Variants in LRRC4C observed in about 807,000 individuals in gnomAD.
LRRC4C encodes the protein leucine-rich repeat-containing protein 4C.
LRRC4C carries 5 observed loss-of-function variants against 33.6 expected under a neutral mutation model. That is an observed-to-expected ratio of 0.15 (90% confidence interval 0.08 to 0.31). The LOEUF (loss-of-function observed/expected upper bound fraction) is 0.31. Ranked by LOEUF, LRRC4C falls within the 10% of genes least tolerant of loss-of-function variation. The pLI is 1.00. For missense variants in LRRC4C, 560 were observed against 796.7 expected (o/e 0.70, Z 3.58); for synonymous variants, 329 against 302.0 (o/e 1.09, Z -0.93).
chr11:40,492,234 C>T (rs1004395819), intron 3 of LRRC4C, among the ~76,000 whole-genome samples: 3 of 152,156 alleles, frequency 2.0e-5, no homozygotes, highest in Non-Finnish European at 4.4e-5. Context: ...ATTTGTCACT[C>T]GACTACGTTG....
chr11:40,427,983 T>C (rs1950779739), intron 3 of LRRC4C, among the ~76,000 whole-genome samples: 1 of 152,062 alleles, frequency 6.6e-6, no homozygotes, highest in Admixed American at 6.6e-5. Context: ...TTAACAAATA[T>C]ATTATGAGGA....
At chr11:40,740,957 T>C (rs1239417553) in intron 2 of LRRC4C, among the ~76,000 whole-genome samples, 1 of 152,088 alleles carries the variant, frequency 6.6e-6, no homozygotes, top group East Asian at 1.9e-4. Context: ...TTTTGGGGCT[T>C]TCTATTTTGT....
intron 1 of LRRC4C, among the ~76,000 whole-genome samples, chr11:41,290,647 T>C (rs957723047): frequency 3.9e-5 from 6 of 152,162 alleles, no homozygotes; most frequent in African/African-American, 1.4e-4. Context: ...GAAGTATGAC[T>C]GTCTATATTA....
intron 1 of LRRC4C, among the ~76,000 whole-genome samples, chr11:41,141,122 G>A (rs1269033934): frequency 6.6e-6 from 1 of 152,098 alleles, no homozygotes; most frequent in Non-Finnish European, 1.5e-5. Flanking sequence ...AAAGCAAAAA[G>A]TTTTCTGCAA....
At chr11:40,533,728 G>T (rs138817495) in intron 3 of LRRC4C, among the ~76,000 whole-genome samples, 153 of 152,186 alleles carry the variant, frequency 1.0e-3, no homozygotes, top group African/African-American at 3.4e-3. Context: ...ACACAGGACA[G>T]GATACTCTAA....
intron 1 of LRRC4C, among the ~76,000 whole-genome samples, chr11:41,334,940 A>T (rs1951404708): frequency 6.6e-6 from 1 of 152,098 alleles, no homozygotes; most frequent in Admixed American, 6.6e-5. Flanking sequence ...AGAGGATCTT[A>T]CTCAGTGACT....
intron 1 of LRRC4C, among the ~76,000 whole-genome samples, chr11:41,302,753 C>G (rs145483607): frequency 6.6e-6 from 1 of 152,242 alleles, no homozygotes; most frequent in African/African-American, 2.4e-5. Flanking sequence ...AGATTTTGAG[C>G]CAGAGATTCT....
chr11:40,303,779 T>C (rs1944896232), intron 4 of LRRC4C, among the ~76,000 whole-genome samples: 1 of 152,232 alleles, frequency 6.6e-6, no homozygotes, highest in Non-Finnish European at 1.5e-5. Flanking sequence ...TGTTAAACTC[T>C]GGGCCTCAGC....
intron 2 of LRRC4C, among the ~76,000 whole-genome samples, chr11:40,890,192 C>T (rs78253563): frequency 0.043 from 6,511 of 152,108 alleles, 303 homozygotes; most frequent in East Asian, 0.21. Context: ...TTCTGTGTTG[C>T]TATAACAGGA....
rs549567681 is a variant in LRRC4C at position 41,444,580 on chromosome 11, C to T, written c.-496+14851G>A. On this transcript the variant is annotated intron_variant, in intron 1 of 6. Coordinates refer to ENST00000528697, the MANE Select transcript of LRRC4C (RefSeq NM_001258419.2). Reference sequence around the variant, plus strand: ...AGAGTAATCATTGAACCACAGTAGACAAAGATGTGTCTTGCAAGCTTCTAG... The same window carrying T: ...AGAGTAATCATTGAACCACAGTAGATAAAGATGTGTCTTGCAAGCTTCTAG... 5.8e-4 allele frequency among the ~76,000 whole-genome samples: 88 copies of T among 152,180 alleles called. 1 individual carries two copies. In the South Asian group the frequency reaches 0.017, roughly 30 times the overall value.
intron 3 of LRRC4C, among the ~76,000 whole-genome samples, chr11:40,635,628 A>ATTTTTTTTTT (rs71060975): frequency 1.5e-4 from 14 of 92,222 alleles, no homozygotes; most frequent in African/African-American, 5.2e-4. Flanking sequence ...AAAGAACCAA[A>ATTTTTTTTTT]TTTTTTTTTT....
At chr11:41,148,381 G>C (rs1943828715) in intron 1 of LRRC4C, among the ~76,000 whole-genome samples, 1 of 151,964 alleles carries the variant, frequency 6.6e-6, no homozygotes, top group African/African-American at 2.4e-5. Context: ...ACAGAGCAAG[G>C]CCTTATCTAA....
intron 6 of LRRC4C, among the ~76,000 whole-genome samples, chr11:40,117,873 G>A (rs1053683483): frequency 9.2e-5 from 14 of 151,702 alleles, no homozygotes; most frequent in African/African-American, 3.4e-4. Flanking sequence ...TATCACATAG[G>A]GTTGTTGTGA....
chr11:40,858,618 C>T (rs1953920205), intron 2 of LRRC4C, among the ~76,000 whole-genome samples: 1 of 149,444 alleles, frequency 6.7e-6, no homozygotes, highest in South Asian at 2.1e-4. Flanking sequence ...TGCTTGAACC[C>T]AGGAGCCAGA....
intron 4 of LRRC4C, among the ~76,000 whole-genome samples, chr11:40,264,217 G>A (rs1462159852): frequency 1.3e-5 from 2 of 152,074 alleles, no homozygotes; most frequent in Non-Finnish European, 2.9e-5. Flanking sequence ...CAAAGCCCAC[G>A]TTCTTTCCTT....
chr11:40,736,045 G>A (rs1361309981), intron 2 of LRRC4C, among the ~76,000 whole-genome samples: 1 of 151,864 alleles, frequency 6.6e-6, no homozygotes, highest in African/African-American at 2.4e-5. Context: ...ATACGTTCTG[G>A]GATACATGTG....
chr11:40,925,962 C>A (rs867063256), intron 2 of LRRC4C, among the ~76,000 whole-genome samples: 6 of 151,762 alleles, frequency 4.0e-5, no homozygotes, highest in Non-Finnish European at 2.9e-5. Context: ...TTCTGCTTTC[C>A]TTTGAGTGCT....
intron 1 of LRRC4C, among the ~76,000 whole-genome samples, chr11:41,001,023 T>C (rs1310513216): frequency 1.3e-5 from 2 of 152,122 alleles, no homozygotes; most frequent in Non-Finnish European, 2.9e-5. Flanking sequence ...TCTAAAAGTA[T>C]AGAAAAATAA....
At chr11:40,938,679 T>C (rs928185213) in intron 1 of LRRC4C, among the ~76,000 whole-genome samples, 3 of 152,176 alleles carry the variant, frequency 2.0e-5, no homozygotes, top group Non-Finnish European at 4.4e-5. Flanking sequence ...AGTGAAGTGA[T>C]TGGTCCAGGT....
Sources: allele counts gnomAD v4.1 joint callset (sites outside exome capture counted in the v4.1 genomes callset), GRCh38; gene constraint gnomAD v4.1.1; transcripts MANE v1.5; gene names NCBI Gene and HGNC (gene_info 2026-07-23, HGNC 2026-07-21).